Variants in RCOR3 observed in about 807,000 individuals in gnomAD.
RCOR3 encodes the protein REST corepressor 3.
A neutral mutation model predicts 64.1 loss-of-function variants in RCOR3; 13 were observed. The ratio of observed to expected loss-of-function variants is 0.20; its 90% CI spans 0.13 to 0.32. RCOR3 has a LOEUF of 0.32. RCOR3 is among the 10% of genes least tolerant of loss of function. The pLI, the probability that RCOR3 is intolerant of heterozygous loss-of-function variation, is 1.00. For synonymous variants in RCOR3, 215 were observed against 239.0 expected (o/e 0.90, Z 0.93); for missense variants, 489 against 701.2 (o/e 0.70, Z 3.42).
At position 211,271,157 on chromosome 1, in the gene RCOR3, A is replaced by C. The variant is rs1696132086; in HGVS notation, c.224-75A>C. ...CAGGCATGAGCCACCGTGCCTGGGC[A>C]GCTTACTTTGTTTCTACTTATTTTC... On this transcript the variant is annotated intron_variant, in intron 2 of 11. Coordinates refer to ENST00000419091, the MANE Select transcript of RCOR3 (RefSeq NM_001136223.3). 107 of 1,358,610 alleles carry C rather than the reference A, an allele frequency of 7.9e-5. 2 individuals carry two copies. The South Asian group carries it at 1.2e-3, about 15-fold the overall frequency. 84.2% of individuals were successfully genotyped at this position (1,358,610 alleles called of 1,614,324 possible). A position where few individuals can be genotyped will look rare whatever the true frequency, so the allele number is the denominator to read the frequency against.
At chr1:211,289,505 CT>C in intron 8 of RCOR3, 109 bp downstream of exon 8, 1 of 818,536 alleles carries the variant, frequency 1.2e-6, no homozygotes, top group Non-Finnish European at 1.9e-6. Flanking sequence ...CAGCCATCCA[CT>C]TATGCAGGTT....
In RCOR3 at chr1:211,259,413, G is replaced by C; in HGVS notation, c.-148G>C. The C allele has an allele frequency of 2.8e-6, 2 of 712,808 alleles. No homozygotes were observed. Among genetic ancestry groups the C allele is most frequent in the Non-Finnish European group, 4.4e-6 (2 of 450,010 alleles). The allele number at this position is 712,808 out of a possible 1,614,324, so 44.2% of individuals were successfully genotyped here. Reference sequence around the variant, plus strand: ...ACTGCCGGAGCGGGGCGGTTATGGCGGCTCCATATTAACAGCCTCCTCCTC... The same window carrying C: ...ACTGCCGGAGCGGGGCGGTTATGGCCGCTCCATATTAACAGCCTCCTCCTC... On this transcript the variant is annotated 5_prime_UTR_variant, in exon 1 of 12. Transcript: ENST00000419091.
At position 211,259,405 on chromosome 1, in the gene RCOR3, G is replaced by A; in HGVS notation, c.-156G>A. 1.5e-6 allele frequency: 1 copy of A among 670,602 alleles called. No homozygotes were observed. Among genetic ancestry groups the A allele is most frequent in the Non-Finnish European group, 2.4e-6 (1 of 412,814 alleles). 41.5% of individuals were successfully genotyped at this position (670,602 alleles called of 1,614,324 possible). On this transcript the variant is annotated 5_prime_UTR_variant, in exon 1 of 12. Coordinates refer to ENST00000419091, the MANE Select transcript of RCOR3 (RefSeq NM_001136223.3). The stretch of plus-strand genomic sequence containing the variant: ...ACTGCGCTACTGCCGGAGCGGGGCG[G>A]TTATGGCGGCTCCATATTAACAGCC...
At chr1:211,260,356 G>A (rs1248928249) in intron 2 of RCOR3, among the ~76,000 whole-genome samples, 192 bp downstream of exon 2, 1 of 152,188 alleles carries the variant, frequency 6.6e-6, no homozygotes, top group Non-Finnish European at 1.5e-5. Context: ...TGCACTGCAA[G>A]GTTAACATGG....
At chr1:211,292,545 T>C (rs1699369683) in intron 8 of RCOR3, among the ~76,000 whole-genome samples, 1 of 152,232 alleles carries the variant, frequency 6.6e-6, no homozygotes, top group South Asian at 2.1e-4. Flanking sequence ...AACTTGGTTA[T>C]TCATTTGATG....
chr1:211,276,128 C>A, intron 4 of RCOR3, 129 bp from the exon 5 acceptor site: 1 of 851,208 alleles, frequency 1.2e-6, no homozygotes, highest in African/African-American at 1.7e-5. Flanking sequence ...GATTTAAAGT[C>A]CCAAACTGTG....
At chr1:211,310,060 G>A (rs1377402962) in intron 10 of RCOR3, among the ~76,000 whole-genome samples, 1 of 152,126 alleles carries the variant, frequency 6.6e-6, no homozygotes, top group African/African-American at 2.4e-5. Flanking sequence ...ATAGAATGAG[G>A]CTTTATAGGG....
intron 3 of RCOR3, 121 bp downstream of exon 3, chr1:211,271,430 TA>T: frequency 1.3e-6 from 1 of 744,342 alleles, no homozygotes; most frequent in South Asian, 1.7e-5. Context: ...GTCTTTGTTT[TA>T]TTTTTTATTT....
intron 5 of RCOR3, among the ~76,000 whole-genome samples, chr1:211,276,895 G>C (rs1697046588): frequency 6.6e-6 from 1 of 151,884 alleles, no homozygotes; most frequent in Non-Finnish European, 1.5e-5. Flanking sequence ...GACCATCCTG[G>C]CTAACACAGT....
At position 211,276,280 on chromosome 1, in the gene RCOR3, T is replaced by C; in HGVS notation, c.378T>C (p.His126=). ...VEQALGMLFW[H]KHNIEKSLAD... ...AGGCACTTGGCATGTTGTTCTGGCATAAACATAACATTGAGAAGTCCCTTG... is the reference window on the plus strand; with the variant it reads ...AGGCACTTGGCATGTTGTTCTGGCACAAACATAACATTGAGAAGTCCCTTG... The change falls in exon 5 of 12, where the codon CAT becomes CAC. Residue 126 remains histidine, a synonymous_variant. Transcript: ENST00000419091. The C allele has an allele frequency of 6.2e-7, 1 of 1,613,668 alleles. No individual in the cohort carries two copies. Among genetic ancestry groups the C allele is most frequent in the Non-Finnish European group, 8.5e-7 (1 of 1,179,698 alleles).
At chr1:211,296,249 C>T (rs996582112) in intron 9 of RCOR3, among the ~76,000 whole-genome samples, 2 of 152,146 alleles carry the variant, frequency 1.3e-5, no homozygotes, top group African/African-American at 4.8e-5. Flanking sequence ...CTTACAAAAA[C>T]AAGGTATAGA....
At position 211,259,596 on chromosome 1, in the gene RCOR3, G is replaced by A; in HGVS notation, c.36G>A (p.Leu12=). The A allele has an allele frequency of 6.5e-7, 1 of 1,548,500 alleles. No homozygotes were observed. The highest frequency in any genetic ancestry group is 8.7e-7 in the Non-Finnish European group (1 of 1,146,106). The stretch of plus-strand genomic sequence containing the variant: ...TGATGGAGAAAGGGCCCGAGTTACT[G>A]GGGAAGAACCGATCGGCCAACGGCA... ...PGMMEKGPEL[L]GKNRSANGSA... Residue 12 remains leucine, a synonymous_variant, in exon 1 of 12, where the codon CTG becomes CTA. Coordinates refer to ENST00000419091, the MANE Select transcript of RCOR3 (RefSeq NM_001136223.3).
chr1:211,306,377 A>AG (rs1372937737), intron 10 of RCOR3, among the ~76,000 whole-genome samples: 10 of 152,086 alleles, frequency 6.6e-5, no homozygotes, highest in African/African-American at 2.4e-4. Context: ...TAAAAAAAAA[A>AG]GTATGGTAAA....
At chr1:211,305,029 T>TA (rs1000257829) in intron 10 of RCOR3, among the ~76,000 whole-genome samples, 1 of 152,122 alleles carries the variant, frequency 6.6e-6, no homozygotes, top group Admixed American at 6.6e-5. Context: ...ATGAAACATA[T>TA]AAGCATACCT....
At chr1:211,293,086 AAAATAAATAAAT>A (rs10524651) in intron 8 of RCOR3, among the ~76,000 whole-genome samples, 4,259 of 143,030 alleles carry the variant, frequency 0.03, 78 homozygotes, top group South Asian at 0.078. Context: ...TCTGTCTCCA[AAAATAAATAAAT>A]AAATAAATAA....
chr1:211,278,106 T>C lies in RCOR3; in HGVS notation c.517-11T>C. The C allele has an allele frequency of 1.7e-5, 26 of 1,575,276 alleles. No homozygotes were observed. Among genetic ancestry groups the C allele is most frequent in the Non-Finnish European group, 2.2e-5 (25 of 1,158,852 alleles). On this transcript the variant is annotated splice_polypyrimidine_tract_variant and intron_variant, in intron 5 of 11. Transcript: ENST00000419091. ...ATTAAACTTGCTGATATTAACATGA[T>C]TTTTTTTAAGCTTCCAGATAAGACA...
intron 7 of RCOR3, among the ~76,000 whole-genome samples, chr1:211,280,385 A>G (rs1697609517): frequency 6.6e-6 from 1 of 152,216 alleles, no homozygotes; most frequent in South Asian, 2.1e-4. Flanking sequence ...CTAAGCTGCT[A>G]ACTCTTTGAA....
chr1:211,300,786 T>G (rs955645770), intron 9 of RCOR3, among the ~76,000 whole-genome samples: 1 of 152,224 alleles, frequency 6.6e-6, no homozygotes, highest in African/African-American at 2.4e-5. Context: ...GTTTATTGAA[T>G]GTATGCCCCA....
intron 7 of RCOR3, among the ~76,000 whole-genome samples, chr1:211,286,849 T>C (rs910169976): frequency 3.3e-5 from 5 of 152,246 alleles, no homozygotes; most frequent in African/African-American, 7.2e-5. Flanking sequence ...TTTACCCACA[T>C]TTTTAACTTC....
Sources: allele counts gnomAD v4.1 joint callset (sites outside exome capture counted in the v4.1 genomes callset), GRCh38; gene constraint gnomAD v4.1.1; transcripts MANE v1.5; gene names NCBI Gene and HGNC (gene_info 2026-07-23, HGNC 2026-07-21).